GNG2: variants seen among roughly 807,000 people sequenced by gnomAD.
GNG2 encodes the protein G protein subunit gamma 2, also known as guanine nucleotide-binding protein G(I)/G(S)/G(O) subunit gamma-2.
In GNG2, 5 loss-of-function variants were observed where a neutral mutation model predicts 5.5. The ratio of observed to expected loss-of-function variants is 0.91; its 90% CI spans 0.48 to 1.92. The LOEUF is 1.92. Among genes scored for constraint, GNG2 ranks in the 30% most tolerant of loss-of-function variants. The pLI is 0.01. For synonymous variants in GNG2, 28 were observed against 32.0 expected (o/e 0.88, Z 0.42); for missense variants, 55 against 88.4 (o/e 0.62, Z 1.52).
intron 3 of GNG2, among the ~76,000 whole-genome samples, chr14:51,957,546 C>T (rs1462410621): frequency 6.6e-6 from 1 of 152,188 alleles, no homozygotes; most frequent in African/African-American, 2.4e-5. Context: ...TGTCCTGTCA[C>T]CTCTGAATAC....
At chr14:51,931,105 A>G (rs1241047738) in intron 2 of GNG2, among the ~76,000 whole-genome samples, 2 of 152,190 alleles carry the variant, frequency 1.3e-5, no homozygotes, top group Non-Finnish European at 2.9e-5. Context: ...CTCAAAAACA[A>G]AAACAAAAGA....
chr14:51,880,985 A>C (rs1183905592), intron 2 of GNG2, among the ~76,000 whole-genome samples: 1 of 151,092 alleles, frequency 6.6e-6, no homozygotes, highest in African/African-American at 2.4e-5. Flanking sequence ...AAAAAAAAAA[A>C]AAACCCTGAG....
chr14:51,872,859 A>G (rs1883403929), intron 1 of GNG2, among the ~76,000 whole-genome samples: 1 of 152,246 alleles, frequency 6.6e-6, no homozygotes, highest in Non-Finnish European at 1.5e-5. Context: ...GTTTAAAAAC[A>G]TCTTGGTATT....
chr14:51,930,135 C>T (rs1234065983), intron 2 of GNG2, among the ~76,000 whole-genome samples: 2 of 152,206 alleles, frequency 1.3e-5, no homozygotes, highest in African/African-American at 4.8e-5. Flanking sequence ...GCTGGTCTTC[C>T]AATTCCTTTG....
chr14:51,937,814 C>A (rs1426299139), intron 2 of GNG2, among the ~76,000 whole-genome samples: 2 of 152,096 alleles, frequency 1.3e-5, no homozygotes, highest in Non-Finnish European at 2.9e-5. Flanking sequence ...GTGTTACCAG[C>A]CCTCCTTGTA....
chr14:51,846,352 A>G (rs1335558646), intron 2 of GNG2, among the ~76,000 whole-genome samples: 2 of 152,200 alleles, frequency 1.3e-5, no homozygotes, highest in African/African-American at 4.8e-5. Context: ...TGAAAACCAT[A>G]TAAACCTGGA....
intron 1 of GNG2, among the ~76,000 whole-genome samples, chr14:51,877,290 C>T (rs1433536973): frequency 6.6e-6 from 1 of 152,164 alleles, no homozygotes; most frequent in Non-Finnish European, 1.5e-5. Context: ...TTCATTCCAT[C>T]GGTATACAGC....
intron 2 of GNG2, among the ~76,000 whole-genome samples, chr14:51,897,341 T>C (rs1169423467): frequency 6.6e-6 from 1 of 152,166 alleles, no homozygotes; most frequent in Non-Finnish European, 1.5e-5. Flanking sequence ...GAATGAGACT[T>C]TGTAATGTCA....
intron 2 of GNG2, among the ~76,000 whole-genome samples, chr14:51,914,886 A>G (rs952254862): frequency 6.6e-6 from 1 of 152,136 alleles, no homozygotes; most frequent in South Asian, 2.1e-4. Context: ...TGGGGTCTCA[A>G]TTGGGGGGAA....
At chr14:51,861,164 T>C (rs1372169654) in intron 1 of GNG2, among the ~76,000 whole-genome samples, 1 of 152,186 alleles carries the variant, frequency 6.6e-6, no homozygotes, top group Non-Finnish European at 1.5e-5. Context: ...AAAATATTAA[T>C]TGCATTCTCT....
chr14:51,927,840 A>C lies in GNG2; in HGVS notation c.-29-22810A>C, dbSNP rs574348585. ...GTAAAGGAAGGCTGAAAATTTTTAA[A>C]ATAAAGTCTTCTGGTGGTTTGTTGT... On this transcript the variant is annotated intron_variant, in intron 2 of 3. Transcript: ENST00000556766. Among the ~76,000 whole-genome samples, 30 of 152,004 alleles carry C rather than the reference A, an allele frequency of 2.0e-4. No individual in the cohort carries two copies. The South Asian group carries it at 2.9e-3, about 15-fold the overall frequency.
At chr14:51,849,945 G>A (rs1323259341) in intron 2 of GNG2, among the ~76,000 whole-genome samples, 1 of 151,856 alleles carries the variant, frequency 6.6e-6, no homozygotes, top group Non-Finnish European at 1.5e-5. Flanking sequence ...AAGTAGTTGG[G>A]ACTATAGGCG....
chr14:51,951,052 A>G (rs1243833419), intron 3 of GNG2, among the ~76,000 whole-genome samples: 2 of 152,100 alleles, frequency 1.3e-5, no homozygotes, highest in Admixed American at 1.3e-4. Flanking sequence ...CACATAAAAT[A>G]TATCAGCGCA....
chr14:51,954,832 G>C (rs1889188383), intron 3 of GNG2, among the ~76,000 whole-genome samples: 2 of 152,162 alleles, frequency 1.3e-5, no homozygotes, highest in South Asian at 4.1e-4. Context: ...AAAAGAGATG[G>C]CTTGATTCAA....
At chr14:51,945,020 TGAAAA>T (rs1230057186) in intron 2 of GNG2, among the ~76,000 whole-genome samples, 2 of 151,718 alleles carry the variant, frequency 1.3e-5, no homozygotes, top group East Asian at 3.9e-4. Context: ...AATAAACACA[TGAAAA>T]GATGCTCAAT....
chr14:51,921,547 A>G (rs993682197), intron 2 of GNG2, among the ~76,000 whole-genome samples: 12 of 152,256 alleles, frequency 7.9e-5, no homozygotes, highest in African/African-American at 2.9e-4. Flanking sequence ...CCCAAACCAT[A>G]GAATGCTTTA....
intron 2 of GNG2, chr14:51,913,211 G>A (rs1177610978): frequency 6.6e-6 from 1 of 152,114 alleles, no homozygotes; most frequent in Non-Finnish European, 1.5e-5. Context: ...GAGGATGATA[G>A]AAGCATTAAA....
In GNG2 at chr14:51,911,738, G is replaced by A. The variant is rs142032441; in HGVS notation, c.-30+34081G>A. 7.3e-4 allele frequency among the ~76,000 whole-genome samples: 101 copies of A among 139,284 alleles called. 8 individuals are homozygous for A. Among genetic ancestry groups the A allele is most frequent in the African/African-American group, 2.7e-3 (95 of 35,830 alleles). The allele number at this position is 139,284 out of a possible 152,430, so 91.4% of individuals were successfully genotyped here. A position where few individuals can be genotyped will look rare whatever the true frequency, so the allele number is the denominator to read the frequency against. On this transcript the variant is annotated intron_variant, in intron 2 of 3. Transcript: ENST00000556766. ...TTTTAAAAAAACATTTATAGAGACAGGGTCTCACTATATTTCCCAGACCGG... is the reference window on the plus strand; with the variant it reads ...TTTTAAAAAAACATTTATAGAGACAAGGTCTCACTATATTTCCCAGACCGG...
chr14:51,941,536 C>T (rs1224114402), intron 2 of GNG2, among the ~76,000 whole-genome samples: 2 of 152,076 alleles, frequency 1.3e-5, no homozygotes, highest in Non-Finnish European at 2.9e-5. Context: ...AAATTACAGG[C>T]CTTAGGGAAG....
Sources: allele counts gnomAD v4.1 joint callset (sites outside exome capture counted in the v4.1 genomes callset), GRCh38; gene constraint gnomAD v4.1.1; transcripts MANE v1.5; gene names NCBI Gene and HGNC (gene_info 2026-07-23, HGNC 2026-07-21).